Variants in SRSF10 observed in about 807,000 individuals in gnomAD.
The protein encoded by SRSF10 is serine/arginine-rich splicing factor 10.
SRSF10 carries 9 observed loss-of-function variants against 32.6 expected under a neutral mutation model. The observed-to-expected ratio is 0.28, with a 90% CI of 0.17 to 0.48. The LOEUF is 0.48. Among genes scored for constraint, SRSF10 ranks in the 20% least tolerant of loss-of-function variants. The probability of loss-of-function intolerance (pLI) is 0.99; values close to 1 mark genes in which losing one functional copy is unlikely to be tolerated. For synonymous variants in SRSF10, 105 were observed against 112.4 expected, an observed-to-expected ratio of 0.93 and a Z score of 0.42; for missense variants, 201 against 331.8, an observed-to-expected ratio of 0.61 and a Z score of 3.06.
intron 2 of SRSF10, chr1:23,977,813 A>T: frequency 1.2e-6 from 1 of 801,250 alleles, no homozygotes; most frequent in Non-Finnish European, 1.5e-6. Flanking sequence ...ATCAAGTTAC[A>T]GGTTTTGTCA....
Position 23,965,885 on chromosome 1 carries a change from G to A in SRSF10, c.*5257C>T, listed in dbSNP as rs1242994864. ...AGGAAATGGAGAAGGGAGGTAGAGGGCAAAAAAGTCTATAGCCTCTACATA... is the reference window on the plus strand; with the variant it reads ...AGGAAATGGAGAAGGGAGGTAGAGGACAAAAAAGTCTATAGCCTCTACATA... On this transcript the variant is annotated 3_prime_UTR_variant, in exon 6 of 6. Transcript: ENST00000492112. 2 of 151,654 alleles carry A rather than the reference G, an allele frequency of 1.3e-5. No individual in the cohort carries two copies. Among genetic ancestry groups the A allele is most frequent in the African/African-American group, 4.8e-5 (2 of 41,314 alleles). The allele number at this position is 151,654 out of a possible 1,614,324, so 9.4% of individuals were successfully genotyped here.
rs912769054 is a variant in SRSF10, at chr1:23,973,410, A to G, written c.275-1398T>C. Among the ~76,000 whole-genome samples, 7 of 152,248 alleles carry G rather than the reference A, an allele frequency of 4.6e-5. No individual in the cohort carries two copies. In the South Asian group the frequency reaches 6.2e-4, roughly 14 times the overall value. ...ACTTGTGCAAACACAGCTCTCTGCA[A>G]CTTCAACCTCCTGGGCCCAAGTGAT... On this transcript the variant is annotated intron_variant, in intron 3 of 5. Transcript: ENST00000492112.
intron 2 of SRSF10, chr1:23,976,118 C>T (rs1296586589): frequency 6.6e-6 from 1 of 152,078 alleles, no homozygotes; most frequent in Non-Finnish European, 1.5e-5. Flanking sequence ...AGGTTAGGTA[C>T]AGGTATAGGT....
chr1:23,966,881 C>T lies in SRSF10; in HGVS notation c.*4261G>A, dbSNP rs1408875326. 6.6e-6 allele frequency: 1 copy of T among 151,928 alleles called. No homozygotes were observed. The highest frequency in any genetic ancestry group is 6.6e-5 in the Admixed American group (1 of 15,252). The allele number at this position is 151,928 out of a possible 1,614,324, so 9.4% of individuals were successfully genotyped here. A position where few individuals can be genotyped will look rare whatever the true frequency, so the allele number is the denominator to read the frequency against. Reference sequence around the variant, plus strand: ...ATTGTGTTCTATAATTACATTGATACGAATGGTGTAAAATATTGTTATGAA... The same window carrying T: ...ATTGTGTTCTATAATTACATTGATATGAATGGTGTAAAATATTGTTATGAA... On this transcript the variant is annotated 3_prime_UTR_variant, in exon 6 of 6. Transcript: ENST00000492112.
intron 3 of SRSF10, among the ~76,000 whole-genome samples, chr1:23,974,017 A>G (rs1391034126): frequency 6.8e-6 from 1 of 146,614 alleles, no homozygotes; most frequent in Non-Finnish European, 1.5e-5. Flanking sequence ...TTTGAGGCAC[A>G]GTCTTGCTCT....
In SRSF10 at chr1:23,970,931, A is replaced by G; in HGVS notation, c.*211T>C. On this transcript the variant is annotated 3_prime_UTR_variant, in exon 6 of 6. Coordinates refer to ENST00000492112, the MANE Select transcript of SRSF10 (RefSeq NM_054016.4). ...ACAAAAATATACAGAGACACCACAAATTGGTAGCTGCCCATAACATTAAAC... is the reference window on the plus strand; with the variant it reads ...ACAAAAATATACAGAGACACCACAAGTTGGTAGCTGCCCATAACATTAAAC... 7.9e-7 allele frequency: 1 copy of G among 1,263,412 alleles called. No individual in the cohort carries two copies. Among genetic ancestry groups the G allele is most frequent in the Non-Finnish European group, 9.9e-7 (1 of 1,005,140 alleles). 78.3% of individuals were successfully genotyped at this position (1,263,412 alleles called of 1,614,324 possible).
At position 23,972,055 on chromosome 1, in the gene SRSF10, C is replaced by A. The variant is rs1042049427; in HGVS notation, c.275-43G>T. The A allele has an allele frequency of 5.9e-4, 844 of 1,440,930 alleles. 3 individuals carry two copies. Among genetic ancestry groups the A allele is most frequent in the Non-Finnish European group, 6.8e-4 (744 of 1,095,390 alleles). The allele number at this position is 1,440,930 out of a possible 1,614,324, so 89.3% of individuals were successfully genotyped here. A position where few individuals can be genotyped will look rare whatever the true frequency, so the allele number is the denominator to read the frequency against. ...CAGAAATATTTAAAAATATTAAAAA[C>A]AGTATTAAAGCCCTCAATAAATAGG... is the stretch of plus-strand genomic sequence containing the variant. On this transcript the variant is annotated intron_variant, in intron 3 of 5. Coordinates refer to ENST00000492112, the MANE Select transcript of SRSF10 (RefSeq NM_054016.4).
At position 23,968,165 on chromosome 1, in the gene SRSF10, G is replaced by T. The variant is rs1377056026; in HGVS notation, c.*2977C>A. Among the ~76,000 whole-genome samples, 1 of 152,042 alleles carries T rather than the reference G, an allele frequency of 6.6e-6. No homozygotes were observed. Among genetic ancestry groups the T allele is most frequent in the Non-Finnish European group, 1.5e-5 (1 of 67,982 alleles). On this transcript the variant is annotated 3_prime_UTR_variant, in exon 6 of 6. Transcript: ENST00000492112. Reference sequence around the variant, plus strand: ...AAAGATCCTCATCAAGTATCAGTAGGATCCAAACTACCATGGGTTCAACTG... The same window carrying T: ...AAAGATCCTCATCAAGTATCAGTAGTATCCAAACTACCATGGGTTCAACTG...
Position 23,967,960 on chromosome 1 carries a change from C to CAAAAAAAA in SRSF10, c.*3174_*3181dup, listed in dbSNP as rs36002299. ...ATTTTTCTTCTTGCTTACTTGGCTT[C>CAAAAAAAA]AAAAAAAAAAAAAAAATGCAGAGAG... On this transcript the variant is annotated 3_prime_UTR_variant, in exon 6 of 6. Coordinates refer to ENST00000492112, the MANE Select transcript of SRSF10 (RefSeq NM_054016.4). The CAAAAAAAA allele has an allele frequency of 8.0e-7, 1 of 1,248,136 alleles. No homozygotes were observed. The highest frequency in any genetic ancestry group is 1.1e-6 in the Non-Finnish European group (1 of 934,750). The allele number at this position is 1,248,136 out of a possible 1,614,324, so 77.3% of individuals were successfully genotyped here.
At chr1:23,973,989 G>T (rs1309066251) in intron 3 of SRSF10, among the ~76,000 whole-genome samples, 2 of 98,916 alleles carry the variant, frequency 2.0e-5, no homozygotes, top group African/African-American at 4.0e-5. Context: ...CTCCTCAGCA[G>T]CTATTTTTTT....
chr1:23,976,770 C>G (rs1295250243), intron 2 of SRSF10: 3 of 152,206 alleles, frequency 2.0e-5, no homozygotes, highest in African/African-American at 7.2e-5. Flanking sequence ...GCAGCAGAGG[C>G]AGCCGAGTAT....
At chr1:23,973,790 T>A (rs1157835843) in intron 3 of SRSF10, among the ~76,000 whole-genome samples, 1 of 152,202 alleles carries the variant, frequency 6.6e-6, no homozygotes, top group African/African-American at 2.4e-5. Flanking sequence ...TCTAAGACCC[T>A]AAGTAGAATA....
At chr1:23,975,731 G>C (rs1468093057) in intron 2 of SRSF10, 3 of 152,172 alleles carry the variant, frequency 2.0e-5, no homozygotes, top group African/African-American at 7.2e-5. Flanking sequence ...TACCAAAAGC[G>C]TTATTACATC....
rs1641356892 is a variant in SRSF10, at chr1:23,964,414, C to G, written c.*6728G>C. Among the ~76,000 whole-genome samples the G allele has an allele frequency of 6.6e-6, 1 of 151,894 alleles. No individual in the cohort carries two copies. The highest frequency in any genetic ancestry group is 6.6e-5 in the Admixed American group (1 of 15,258). On this transcript the variant is annotated 3_prime_UTR_variant, in exon 6 of 6. Coordinates refer to ENST00000492112, the MANE Select transcript of SRSF10 (RefSeq NM_054016.4). ...GTGATAGGAATTTCCCAAGTCGATG[C>G]AATTGCGAGAACCAAAAATAGCTGG...
intron 1 of SRSF10, 101 bp from the exon 2 acceptor site, chr1:23,978,918 G>A (rs950203763): frequency 1.9e-6 from 2 of 1,063,206 alleles, no homozygotes; most frequent in Non-Finnish European, 2.7e-6. Flanking sequence ...CCAAGAATTT[G>A]GAAGATAAAA....
chr1:23,973,665 A>T (rs767335891), intron 3 of SRSF10, among the ~76,000 whole-genome samples: 1 of 152,160 alleles, frequency 6.6e-6, no homozygotes, highest in South Asian at 2.1e-4. Flanking sequence ...ACTGAACCAT[A>T]TGCTGATTTG....
At chr1:23,979,990 C>T (rs746936063) in intron 1 of SRSF10, among the ~76,000 whole-genome samples, 5 of 152,214 alleles carry the variant, frequency 3.3e-5, no homozygotes, top group Non-Finnish European at 5.9e-5. Flanking sequence ...CGCCACGCGG[C>T]CCGGCGAAGG....
At position 23,967,844 on chromosome 1, in the gene SRSF10, A is replaced by G. The variant is rs1641525516; in HGVS notation, c.*3298T>C. ...TGGGCCAAATTTTCAAGAGAATAAT[A>G]CAATAGTTCCCAGGTCTTTCCCCTG... On this transcript the variant is annotated 3_prime_UTR_variant, in exon 6 of 6. Transcript: ENST00000492112. 11 of 1,557,900 alleles carry G rather than the reference A, an allele frequency of 7.1e-6. No individual in the cohort carries two copies. The highest frequency in any genetic ancestry group is 8.7e-6 in the Non-Finnish European group (10 of 1,149,712).
At position 23,967,850 on chromosome 1, in the gene SRSF10, G is replaced by T. The variant is rs1641526142; in HGVS notation, c.*3292C>A. ...AAATTTTCAAGAGAATAATACAATAGTTCCCAGGTCTTTCCCCTGGGATGT... is the reference window on the plus strand; with the variant it reads ...AAATTTTCAAGAGAATAATACAATATTTCCCAGGTCTTTCCCCTGGGATGT... On this transcript the variant is annotated 3_prime_UTR_variant, in exon 6 of 6. Transcript: ENST00000492112. 1.4e-5 allele frequency: 21 copies of T among 1,552,456 alleles called. 1 individual carries two copies. In the South Asian group the frequency reaches 2.2e-4, roughly 16 times the overall value.
Sources: allele counts gnomAD v4.1 joint callset (sites outside exome capture counted in the v4.1 genomes callset), GRCh38; gene constraint gnomAD v4.1.1; transcripts MANE v1.5; gene names NCBI Gene and HGNC (gene_info 2026-07-23, HGNC 2026-07-21).